LARGE1: variants seen among roughly 807,000 people sequenced by gnomAD.
LARGE1 encodes LARGE xylosyl- and glucuronyltransferase 1, also known as xylosyl- and glucuronyltransferase LARGE1.
A neutral mutation model predicts 87.6 loss-of-function variants in LARGE1; 43 were observed. The observed-to-expected ratio is 0.49, with a 90% CI of 0.38 to 0.63. LARGE1 has a LOEUF of 0.63. Ranked by LOEUF, LARGE1 falls within the 30% of genes least tolerant of loss-of-function variation. The pLI is 0.00. For synonymous variants in LARGE1, 434 were observed against 394.6 expected (o/e 1.10, Z -1.18); for missense variants, 802 against 1,000.2 (o/e 0.80, Z 2.67).
In LARGE1 at chr22:33,890,855, A is replaced by G. The variant is rs377662820; in HGVS notation, c.-83+29140T>C. 4.5e-4 allele frequency among the ~76,000 whole-genome samples: 68 copies of G among 152,044 alleles called. 1 individual carries two copies. The South Asian group carries it at 6.7e-3, about 15-fold the overall frequency. On this transcript the variant is annotated intron_variant, in intron 1 of 14. Transcript: ENST00000397394. The stretch of plus-strand genomic sequence containing the variant: ...AACAAGCATTAGGCAGGTGGAAATA[A>G]GGGGTTATGAGACTACAGAGACTCA...
chr22:33,382,143 T>C, intron 8 of LARGE1, 99 bp from the exon 9 acceptor site: 1 of 1,491,678 alleles, frequency 6.7e-7, no homozygotes, highest in Non-Finnish European at 9.2e-7. Flanking sequence ...AGGGCTTCTC[T>C]TGAACCTCCT....
At position 33,848,022 on chromosome 22, in the gene LARGE1, A is replaced by G. The variant is rs117374396; in HGVS notation, c.-83+71973T>C. ...AGTCTGAGGGACCCCAAAATGATCAATGTCACCATTTTGCTTCATGACTAG... is the reference window on the plus strand; with the variant it reads ...AGTCTGAGGGACCCCAAAATGATCAGTGTCACCATTTTGCTTCATGACTAG... On this transcript the variant is annotated intron_variant, in intron 1 of 14. Coordinates refer to ENST00000397394, the MANE Select transcript of LARGE1 (RefSeq NM_133642.5). Among the ~76,000 whole-genome samples the G allele has an allele frequency of 5.1e-3, 780 of 152,302 alleles. 9 individuals are homozygous for G. The highest frequency in any genetic ancestry group is 0.018 in the African/African-American group (730 of 41,570).
At chr22:33,112,071 G>C in the LARGE1 span, among the ~76,000 whole-genome samples, 1 of 152,194 alleles carries the variant, frequency 6.6e-6, no homozygotes, top group Non-Finnish European at 1.5e-5. Context: ...GCCATTGAAG[G>C]GTTTTAAGCA....
intron 6 of LARGE1, among the ~76,000 whole-genome samples, chr22:33,513,056 C>T (rs986670183): frequency 6.6e-6 from 1 of 152,032 alleles, no homozygotes; most frequent in South Asian, 2.1e-4. Context: ...TGCAAACCTT[C>T]CACCCAGATG....
At chr22:33,070,176 C>T in the LARGE1 span, among the ~76,000 whole-genome samples, 1 of 152,228 alleles carries the variant, frequency 6.6e-6, no homozygotes, top group South Asian at 2.1e-4. Flanking sequence ...CAAGGACCTG[C>T]AATTCCTGCA....
At chr22:33,387,701 C>T (rs776998267) in intron 7 of LARGE1, among the ~76,000 whole-genome samples, 8 of 152,100 alleles carry the variant, frequency 5.3e-5, no homozygotes, top group East Asian at 1.9e-4. Context: ...CCTGAAAAGT[C>T]GGAATGTCTA....
chr22:33,385,755 G>A (rs1191209755), intron 7 of LARGE1, among the ~76,000 whole-genome samples: 1 of 147,916 alleles, frequency 6.8e-6, no homozygotes, highest in Non-Finnish European at 1.5e-5. Context: ...CAGTCAATTT[G>A]GTGGGTGGAA....
rs71320987 is a variant in LARGE1 at position 33,675,292 on chromosome 22, CAAAAAAAAAAA to C, written c.107-24635_107-24625del. 7.3e-4 allele frequency among the ~76,000 whole-genome samples: 24 copies of C among 32,918 alleles called. 1 individual carries two copies. The South Asian group carries it at 0.012, about 17-fold the overall frequency. 21.6% of individuals were successfully genotyped at this position (32,918 alleles called of 152,430 possible). On this transcript the variant is annotated intron_variant, in intron 2 of 14. Transcript: ENST00000397394. ...CTGGGCAACAAGAGCGAAACTCCAT[CAAAAAAAAAAA>C]AAAAAAAAAAAAAAAGAACACAAGA...
chr22:33,068,417 G>A, the LARGE1 span, among the ~76,000 whole-genome samples: 37 of 152,230 alleles, frequency 2.4e-4, no homozygotes, highest in Middle Eastern at 3.4e-3. Flanking sequence ...AGGTCGAGGT[G>A]GGCAGATCAC....
chr22:33,772,122 G>C (rs767458940), intron 1 of LARGE1, among the ~76,000 whole-genome samples: 1 of 152,074 alleles, frequency 6.6e-6, no homozygotes, highest in Non-Finnish European at 1.5e-5. Context: ...TCACGAGGTC[G>C]GGAGACCGAT....
chr22:33,167,856 C>T (rs1439751056), intron 11 of LARGE1, among the ~76,000 whole-genome samples: 1 of 152,168 alleles, frequency 6.6e-6, no homozygotes, highest in African/African-American at 2.4e-5. Context: ...TTCATTCTCT[C>T]CCCTAGAGCA....
At chr22:33,841,360 TA>T (rs1485874576) in intron 1 of LARGE1, among the ~76,000 whole-genome samples, 3 of 152,150 alleles carry the variant, frequency 2.0e-5, no homozygotes, top group African/African-American at 7.2e-5. Flanking sequence ...TCACAATCTG[TA>T]AGGTCCAGAG....
intron 1 of LARGE1, among the ~76,000 whole-genome samples, chr22:33,889,570 A>G (rs2064950895): frequency 6.6e-6 from 1 of 152,084 alleles, no homozygotes; most frequent in South Asian, 2.1e-4. Flanking sequence ...TGTTCAATCA[A>G]CTCACGCCAA....
intron 2 of LARGE1, among the ~76,000 whole-genome samples, chr22:33,651,229 A>G (rs1300361669): frequency 7.3e-6 from 1 of 136,852 alleles, no homozygotes; most frequent in Non-Finnish European, 1.6e-5. Context: ...AAAATACAAA[A>G]AAAAAAAAAA....
At chr22:33,875,080 C>G (rs1237698462) in intron 1 of LARGE1, among the ~76,000 whole-genome samples, 1 of 152,190 alleles carries the variant, frequency 6.6e-6, no homozygotes. Flanking sequence ...GAATTAGCTG[C>G]TCAACAACTC....
rs564751216 is a variant in LARGE1 at position 33,616,654 on chromosome 22, T to C, written c.491+9590A>G. On this transcript the variant is annotated intron_variant, in intron 4 of 14. Transcript: ENST00000397394. ...GTAATTAAAATAAATGAAGAACTGA[T>C]ACATGCTACATCAGGGATGAACTTT... Among the ~76,000 whole-genome samples the C allele has an allele frequency of 7.9e-5, 12 of 152,272 alleles. No individual in the cohort carries two copies. In the East Asian group the frequency reaches 2.1e-3, roughly 27 times the overall value.
chr22:33,909,510 ACTT>A (rs1329340738), intron 1 of LARGE1, among the ~76,000 whole-genome samples: 7 of 145,094 alleles, frequency 4.8e-5, no homozygotes, highest in Admixed American at 1.4e-4. Context: ...TAACTCACCA[ACTT>A]CTTCTTTTGT....
chr22:33,341,544 T>C (rs1046195738), intron 9 of LARGE1, among the ~76,000 whole-genome samples: 1 of 152,172 alleles, frequency 6.6e-6, no homozygotes, highest in Non-Finnish European at 1.5e-5. Context: ...CCATTGAAGT[T>C]GGCTGGATAA....
At chr22:33,322,494 TCCTAAC>T (rs1936841665) in intron 10 of LARGE1, 1 of 152,226 alleles carries the variant, frequency 6.6e-6, no homozygotes, top group Non-Finnish European at 1.5e-5. Flanking sequence ...CCTTTTCAAA[TCCTAAC>T]CTAGGCTTGC....
Sources: gnomAD v4.1 joint callset for allele counts (sites outside exome capture counted in the v4.1 genomes callset) on GRCh38, gnomAD v4.1.1 for gene constraint, MANE v1.5 for transcripts, NCBI Gene and HGNC (gene_info 2026-07-23, HGNC 2026-07-21) for gene names.